DUOX2: variants seen among roughly 807,000 people sequenced by gnomAD.
DUOX2 encodes dual oxidase 2, also known as NADH/NADPH thyroid oxidase p138-tox.
A neutral mutation model predicts 183.3 loss-of-function variants in DUOX2; 185 were observed. The ratio of observed to expected loss-of-function variants is 1.01; its 90% CI spans 0.90 to 1.14. The LOEUF is 1.14. Ranked by LOEUF, DUOX2 falls within the 50% of genes most tolerant of loss-of-function variation. The pLI is 0.00. For missense variants in DUOX2, 1,999 were observed against 2,022.9 expected, an observed-to-expected ratio of 0.99 and a Z score of 0.23; for synonymous variants, 788 against 812.4, an observed-to-expected ratio of 0.97 and a Z score of 0.51.
chr15:45,105,472 T>C (rs1217174473), intron 18 of DUOX2, among the ~76,000 whole-genome samples, 171 bp downstream of exon 18: 1 of 152,240 alleles, frequency 6.6e-6, no homozygotes, highest in African/African-American at 2.4e-5. Context: ...TAATGTGACT[T>C]GCCTAAGGTC....
chr15:45,096,842 C>T (rs1893915410), intron 29 of DUOX2, among the ~76,000 whole-genome samples: 1 of 152,198 alleles, frequency 6.6e-6, no homozygotes, highest in African/African-American at 2.4e-5. Context: ...AGCACTGACT[C>T]TCAACAACCC....
In DUOX2 at chr15:45,101,272, T is replaced by A. The variant is rs1210182743; in HGVS notation, c.2854A>T (p.Ile952Phe). 6.2e-7 allele frequency: 1 copy of A among 1,611,740 alleles called. No homozygotes were observed. The highest frequency in any genetic ancestry group is 1.3e-5 in the African/African-American group (1 of 74,868). ...VKGGGGGGNG[I>F]RDIFKQNISC... ...ATGTTTTGTTTAAAGATATCTCTAATACCTAGAGAAAAGAACAAGAGGCAG... is the reference window on the plus strand; with the variant it reads ...ATGTTTTGTTTAAAGATATCTCTAAAACCTAGAGAAAAGAACAAGAGGCAG... The change falls in exon 22 of 34, where the codon ATT becomes TTT. Residue 952 changes from isoleucine to phenylalanine, a missense_variant and splice_region_variant. By Grantham distance (21) the Ile-to-Phe change is conservative. Around this residue, in one of 3 missense-constraint regions of DUOX2, gnomAD observed 1,628 missense variants for 1,608.6 expected, o/e 1.01. Coordinates refer to ENST00000389039, the MANE Select transcript of DUOX2 (RefSeq NM_001363711.2).
Position 45,099,898 on chromosome 15 carries a change from G to T in DUOX2, c.3185-6C>A, listed in dbSNP as rs1401290803. ...TGGCGAGGCAAAGCCATAGTCTGGGGCCGGAGTGAGGTTACATCAGCTTGG... is the reference window on the plus strand; with the variant it reads ...TGGCGAGGCAAAGCCATAGTCTGGGTCCGGAGTGAGGTTACATCAGCTTGG... On this transcript the variant is annotated splice_polypyrimidine_tract_variant and splice_region_variant and intron_variant, in intron 24 of 33. Transcript: ENST00000389039. The T allele has an allele frequency of 1.2e-6, 2 of 1,613,904 alleles. No individual in the cohort carries two copies. The highest frequency in any genetic ancestry group is 1.7e-6 in the Non-Finnish European group (2 of 1,179,896).
At chr15:45,095,642 T>C in intron 30 of DUOX2, 47 bp from the exon 31 acceptor site, 2 of 1,613,450 alleles carry the variant, frequency 1.2e-6, no homozygotes, top group South Asian at 1.1e-5. Context: ...CTGCCCCAGC[T>C]CTGAGACCAG....
intron 26 of DUOX2, 88 bp from the exon 27 acceptor site, chr15:45,098,146 C>T (rs963430775): frequency 1.1e-5 from 14 of 1,310,734 alleles, no homozygotes; most frequent in Non-Finnish European, 1.5e-5. Context: ...TTCCTGCTGG[C>T]CCTGACTGCT....
rs778144787 is a variant in DUOX2, at chr15:45,111,939, G to C, written c.342C>G (p.Ser114=). Residue 114 remains serine (S), a synonymous_variant, in exon 5 of 34, where the codon TCC becomes TCG. Coordinates refer to ENST00000389039, the MANE Select transcript of DUOX2 (RefSeq NM_001363711.2). ...LGVFFGYHVL[S]DVVSVETPGC... The stretch of plus-strand genomic sequence containing the variant: ...CGGGCGTTTCCACGCTCACCACGTC[G>C]GAAAGAACATGGTAGCCTGCGGGCA... 10 of 1,613,534 alleles carry C rather than the reference G, an allele frequency of 6.2e-6. No individual in the cohort carries two copies. The East Asian group carries it at 2.2e-4, about 36-fold the overall frequency.
chr15:45,108,632 G>T, intron 12 of DUOX2, 157 bp downstream of exon 12: 1 of 854,516 alleles, frequency 1.2e-6, no homozygotes, highest in Non-Finnish European at 1.9e-6. Flanking sequence ...CCTCCTCTAT[G>T]ATTTACCAAC....
Position 45,101,721 on chromosome 15 carries a change from C to T in DUOX2, c.2851+72G>A, listed in dbSNP as rs187699208. ...CTCAGAAAAGAGTAAGACCTGGGTC[C>T]TGCCCACCAGGAACTCTCATTTTGA... On this transcript the variant is annotated intron_variant, in intron 21 of 33. Transcript: ENST00000389039. 3.5e-4 allele frequency: 568 copies of T among 1,602,966 alleles called. No homozygotes were observed. In the African/African-American group the frequency reaches 6.9e-3, roughly 19 times the overall value.
chr15:45,109,562 G>A lies in DUOX2; in HGVS notation c.1196C>T (p.Ser399Leu), dbSNP rs147435713. 153 of 1,614,050 alleles carry A rather than the reference G, an allele frequency of 9.5e-5. No homozygotes were observed. In the Admixed American group the frequency reaches 1.3e-3, roughly 14 times the overall value. Residue 399 changes from serine (S) to leucine (L), a missense_variant, in exon 11 of 34, where the codon TCG becomes TTG. By Grantham distance (145) the Ser-to-Leu change is moderately radical (BLOSUM62 -2). Transcript: ENST00000389039. ...AACCACTATGTTGTCCTCCAACTCC[G>A]AAATCTGGGAGGCCATTCCCAGCAG... is the stretch of plus-strand genomic sequence containing the variant. ...ELLLGMASQI[S>L]ELEDNIVVED...
intron 14 of DUOX2, 94 bp downstream of exon 14, chr15:45,107,251 G>A (rs558090843): frequency 2.6e-6 from 4 of 1,510,118 alleles, no homozygotes; most frequent in Admixed American, 3.3e-5. Flanking sequence ...AAGGTGCCTG[G>A]CTCCCTGGAC....
rs777168376 is a variant in DUOX2 at position 45,099,510 on chromosome 15, G to A, written c.3416-28C>T. ...GGAAGAGACAGACCCTGTTAGAGATGCCAACCAGGACAGACTCTACCTCCG... is the reference window on the plus strand; with the variant it reads ...GGAAGAGACAGACCCTGTTAGAGATACCAACCAGGACAGACTCTACCTCCG... On this transcript the variant is annotated intron_variant, in intron 25 of 33. Coordinates refer to ENST00000389039, the MANE Select transcript of DUOX2 (RefSeq NM_001363711.2). 9 of 1,606,716 alleles carry A rather than the reference G, an allele frequency of 5.6e-6. No homozygotes were observed. In the Admixed American group the frequency reaches 1.2e-4, roughly 21 times the overall value.
chr15:45,106,434 C>T (rs1894215194), intron 16 of DUOX2, 94 bp downstream of exon 16: 5 of 1,588,178 alleles, frequency 3.1e-6, no homozygotes, highest in Non-Finnish European at 4.3e-6. Context: ...GGTGCCTTGG[C>T]TTTCCTCTCA....
intron 11 of DUOX2, 151 bp downstream of exon 11, chr15:45,109,372 CA>C (rs1894316398): frequency 1.5e-6 from 1 of 654,844 alleles, no homozygotes; most frequent in Non-Finnish European, 2.6e-6. Flanking sequence ...AAAAAAAGTT[CA>C]AAGTTCATTT....
chr15:45,100,912 G>A (rs1894064965), intron 22 of DUOX2, 74 bp from the exon 23 acceptor site: 2 of 1,068,198 alleles, frequency 1.9e-6, no homozygotes, highest in East Asian at 2.4e-5. Context: ...CAGAGCATGG[G>A]GTAGAGGTAG....
At position 45,104,346 on chromosome 15, in the gene DUOX2, G is replaced by T. The variant is rs761484669; in HGVS notation, c.2354C>A (p.Ala785Asp). 3 of 1,613,760 alleles carry T rather than the reference G, an allele frequency of 1.9e-6. No individual in the cohort carries two copies. Among genetic ancestry groups the T allele is most frequent in the Middle Eastern group, 1.7e-4 (1 of 6,058 alleles). The stretch of plus-strand genomic sequence containing the variant: ...GTCCAGGGGCAGGGTCCCTGCGTCG[G>T]CCTGGTTGATGTCCAGCACCTGCAC... ...LFAQVLDINQ[A>D]DAGTLPLDSS... The change falls in exon 19 of 34, where the codon GCC becomes GAC. Residue 785 changes from alanine to aspartate, a missense_variant. Ala to Asp is a moderately radical substitution (Grantham distance 126, BLOSUM62 -2). Around this residue, in one of 3 missense-constraint regions of DUOX2, gnomAD observed 1,628 missense variants for 1,608.6 expected, o/e 1.01. Transcript: ENST00000389039.
rs757644942 is a variant in DUOX2 at position 45,112,548 on chromosome 15, C to A, written c.325+6G>T. 1 of 1,612,724 alleles carries A rather than the reference C, an allele frequency of 6.2e-7. No homozygotes were observed. The highest frequency in any genetic ancestry group is 1.7e-5 in the Admixed American group (1 of 60,012). On this transcript the variant is annotated splice_donor_region_variant and intron_variant, in intron 4 of 33. Coordinates refer to ENST00000389039, the MANE Select transcript of DUOX2 (RefSeq NM_001363711.2). The stretch of plus-strand genomic sequence containing the variant: ...CAACCCCACTGGTCTCCCCCTTTGC[C>A]CTCACCAAAGAAGACCCCCAGTACG...
In DUOX2 at chr15:45,097,343, T is replaced by C. The variant is rs769007578; in HGVS notation, c.3742A>G (p.Ile1248Val). The C allele has an allele frequency of 1.2e-6, 2 of 1,614,112 alleles. No homozygotes were observed. Among genetic ancestry groups the C allele is most frequent in the African/African-American group, 2.7e-5 (2 of 74,940 alleles). ...ATGATTGCCGGGACCAGGAAGTAGA[T>C]GTGGAAAGTGGGCAGCTGGATCAGA... ...YALIQLPTFHIYFLVPAIIYG... is the reference protein window; with the variant it reads ...YALIQLPTFHVYFLVPAIIYG... The change falls in exon 29 of 34, where the codon ATC becomes GTC. Residue 1248 changes from isoleucine (I) to valine (V), a missense_variant. Ile to Val is a conservative substitution (Grantham distance 29, BLOSUM62 3). Transcript: ENST00000389039.
rs72724247 is a variant in DUOX2 at position 45,110,231 on chromosome 15, T to G, written c.1040+197A>C. 0.017 allele frequency among the ~76,000 whole-genome samples: 2,616 copies of G among 152,226 alleles called. 37 individuals are homozygous for G. The highest frequency in any genetic ancestry group is 0.027 in the Non-Finnish European group (1,813 of 68,002). On this transcript the variant is annotated intron_variant, in intron 9 of 33. Transcript: ENST00000389039. ...AAATCCTACACCCAGCCACCAAATT[T>G]CAGCCCTTAGGAGAGCTGGAGAGAT...
intron 4 of DUOX2, 63 bp downstream of exon 4, chr15:45,112,491 G>A: frequency 1.3e-6 from 2 of 1,590,626 alleles, no homozygotes; most frequent in Middle Eastern, 2.2e-4. Context: ...ACGGGATCTG[G>A]CCCCTCCCCC....
Sources: allele counts gnomAD v4.1 joint callset (sites outside exome capture counted in the v4.1 genomes callset), GRCh38; gene constraint gnomAD v4.1.1; regional missense constraint gnomAD v4.1.1; transcripts MANE v1.5; gene names NCBI Gene and HGNC (gene_info 2026-07-23, HGNC 2026-07-21).